The following EPHB2 variants were observed in gnomAD, a reference collection of about 807,000 sequenced individuals.
EPHB2 encodes the protein ephrin type-B receptor 2.
In EPHB2, 18 loss-of-function variants were observed where a neutral mutation model predicts 96.4. That is an observed-to-expected ratio of 0.19 (90% CI 0.13 to 0.28). The LOEUF is 0.28. Among genes scored for constraint, EPHB2 ranks in the 10% least tolerant of loss-of-function variants. The pLI is 1.00. For missense variants in EPHB2, 989 were observed against 1,355.4 expected (o/e 0.73, Z 4.25); for synonymous variants, 506 against 534.1 (o/e 0.95, Z 0.72).
intron 1 of EPHB2, among the ~76,000 whole-genome samples, chr1:22,745,822 C>T (rs1045540438): frequency 9.9e-5 from 15 of 152,188 alleles, no homozygotes; most frequent in African/African-American, 3.1e-4. Flanking sequence ...GTGAGCGCAG[C>T]GGGGCCTGGC....
At chr1:22,738,194 G>T (rs1395912696) in intron 1 of EPHB2, among the ~76,000 whole-genome samples, 1 of 152,236 alleles carries the variant, frequency 6.6e-6, no homozygotes, top group African/African-American at 2.4e-5. Flanking sequence ...AGATGGCTTT[G>T]TTCACTTGGG....
chr1:22,874,440 A>T (rs1266001698), intron 5 of EPHB2, among the ~76,000 whole-genome samples: 2 of 152,136 alleles, frequency 1.3e-5, no homozygotes, highest in African/African-American at 4.8e-5. Flanking sequence ...GGGTGATTGG[A>T]TGTTTCCCCA....
chr1:22,761,165 G>A (rs964184574), intron 1 of EPHB2, among the ~76,000 whole-genome samples: 2 of 152,178 alleles, frequency 1.3e-5, no homozygotes, highest in Admixed American at 1.3e-4. Flanking sequence ...GGGAATGCCA[G>A]GACTGATGTT....
At chr1:22,744,854 A>G (rs1017513640) in intron 1 of EPHB2, among the ~76,000 whole-genome samples, 7 of 151,886 alleles carry the variant, frequency 4.6e-5, no homozygotes, top group African/African-American at 1.7e-4. Flanking sequence ...CTGTGTCTCA[A>G]AAAAAGAAAA....
chr1:22,824,461 G>A (rs550521666), intron 3 of EPHB2, among the ~76,000 whole-genome samples: 3 of 152,292 alleles, frequency 2.0e-5, no homozygotes, highest in East Asian at 1.9e-4. Flanking sequence ...CCCCAGCTGC[G>A]CTCTTCCTTT....
chr1:22,748,989 C>T (rs1036030710), intron 1 of EPHB2, among the ~76,000 whole-genome samples: 3 of 150,120 alleles, frequency 2.0e-5, no homozygotes, highest in East Asian at 2.0e-4. Flanking sequence ...TGGTCATCGG[C>T]GCCTGTCCCA....
intron 4 of EPHB2, 109 bp from the exon 5 acceptor site, chr1:22,864,768 A>T: frequency 1.5e-6 from 1 of 684,290 alleles, no homozygotes; most frequent in Non-Finnish European, 2.5e-6. Flanking sequence ...CAAAGAATTT[A>T]AGGAAGTCCT....
At chr1:22,769,843 T>C (rs968599700) in intron 1 of EPHB2, among the ~76,000 whole-genome samples, 3 of 151,924 alleles carry the variant, frequency 2.0e-5, no homozygotes, top group African/African-American at 7.3e-5. Context: ...GGTAAATGAA[T>C]GGGCGAGTGG....
intron 5 of EPHB2, among the ~76,000 whole-genome samples, chr1:22,872,656 C>T (rs1290328200): frequency 6.6e-6 from 1 of 152,178 alleles, no homozygotes; most frequent in Non-Finnish European, 1.5e-5. Flanking sequence ...CACAGCAGGT[C>T]CCCAGCATCC....
At chr1:22,857,044 ACT>A (rs1645710073) in intron 3 of EPHB2, among the ~76,000 whole-genome samples, 1 of 152,240 alleles carries the variant, frequency 6.6e-6, no homozygotes, top group South Asian at 2.1e-4. Context: ...GAAGTGAAAG[ACT>A]CAGCCCCTAC....
chr1:22,790,325 A>G lies in EPHB2; in HGVS notation c.811+5249A>G, dbSNP rs1165855062. 6.6e-6 allele frequency among the ~76,000 whole-genome samples: 1 copy of G among 152,130 alleles called. No individual in the cohort carries two copies. The highest frequency in any genetic ancestry group is 1.5e-5 in the Non-Finnish European group (1 of 68,016). On this transcript the variant is annotated intron_variant, in intron 3 of 15. Coordinates refer to ENST00000374630, the MANE Select transcript of EPHB2 (RefSeq NM_017449.5). This position sits in a 1 kb window ranked among gnomAD's most constrained non-coding sequence, Gnocchi z 4.0. Reference sequence around the variant, plus strand: ...TTTATCGCATGCCTAATCGGGGTCTACACTGGGCATACAGCTGCCAGGTGA... The same window carrying G: ...TTTATCGCATGCCTAATCGGGGTCTGCACTGGGCATACAGCTGCCAGGTGA...
chr1:22,814,928 T>C (rs1645051288), intron 3 of EPHB2, among the ~76,000 whole-genome samples: 1 of 152,328 alleles, frequency 6.6e-6, no homozygotes, highest in South Asian at 2.1e-4. Flanking sequence ...CCAGCTCGGC[T>C]CTGTGCCTGT....
intron 3 of EPHB2, among the ~76,000 whole-genome samples, chr1:22,818,751 T>C (rs1338286854): frequency 6.6e-6 from 1 of 152,134 alleles, no homozygotes; most frequent in African/African-American, 2.4e-5. Flanking sequence ...CATCCGTTTA[T>C]CCGTCAGGTC....
chr1:22,881,479 C>T (rs1218470054), intron 5 of EPHB2, among the ~76,000 whole-genome samples: 1 of 152,092 alleles, frequency 6.6e-6, no homozygotes, highest in African/African-American at 2.4e-5. Flanking sequence ...GTCACTTGAG[C>T]CCAGGAAGTT....
At chr1:22,810,463 T>C (rs551700646) in intron 3 of EPHB2, among the ~76,000 whole-genome samples, 1 of 152,256 alleles carries the variant, frequency 6.6e-6, no homozygotes, top group Non-Finnish European at 1.5e-5. Context: ...CATTACTAAC[T>C]CACTCTGTGA....
intron 5 of EPHB2, among the ~76,000 whole-genome samples, chr1:22,873,326 G>T (rs970906684): frequency 6.6e-6 from 1 of 152,202 alleles, no homozygotes; most frequent in Non-Finnish European, 1.5e-5. Context: ...GGGGACAACT[G>T]GAGCAACAAC....
At position 22,865,228 on chromosome 1, in the gene EPHB2, G is replaced by C. The variant is rs770602002; in HGVS notation, c.1303+16G>C. On this transcript the variant is annotated intron_variant, in intron 5 of 15. Transcript: ENST00000374630. ...AACCAGGCAGGTAAGTGCTTCCGACGTGGGCCAGGGGAGTGCCCCATCGCG... is the reference window on the plus strand; with the variant it reads ...AACCAGGCAGGTAAGTGCTTCCGACCTGGGCCAGGGGAGTGCCCCATCGCG... The C allele has an allele frequency of 2.5e-6, 4 of 1,614,138 alleles. No homozygotes were observed. The highest frequency in any genetic ancestry group is 3.4e-6 in the Non-Finnish European group (4 of 1,179,996).
intron 1 of EPHB2, among the ~76,000 whole-genome samples, chr1:22,780,688 A>AG (rs1644516608): frequency 6.6e-6 from 1 of 152,230 alleles, no homozygotes; most frequent in Admixed American, 6.5e-5. Flanking sequence ...TAAAATATCA[A>AG]GGGTTTAGTG....
chr1:22,714,043 C>G (rs546429551), intron 1 of EPHB2, among the ~76,000 whole-genome samples: 1 of 152,336 alleles, frequency 6.6e-6, no homozygotes, highest in East Asian at 1.9e-4. Context: ...GTCAAGGTCT[C>G]AAGAAAACAG....
Sources: gnomAD v4.1 joint callset for allele counts (sites outside exome capture counted in the v4.1 genomes callset) on GRCh38, gnomAD v4.1.1 for gene constraint, Gnocchi (gnomAD v3.1) non-coding constraint, MANE v1.5 for transcripts, NCBI Gene and HGNC (gene_info 2026-07-23, HGNC 2026-07-21) for gene names.